Variants in CCPG1 observed in about 807,000 individuals in gnomAD.
The protein encoded by CCPG1 is cell cycle progression 1.
In CCPG1, 46 loss-of-function variants were observed where a neutral mutation model predicts 81.3. That is an observed-to-expected ratio of 0.57 (90% CI 0.45 to 0.72). The LOEUF (loss-of-function observed/expected upper bound fraction) is 0.72. CCPG1 is among the 30% of genes least tolerant of loss of function. The pLI is 0.00. For synonymous variants in CCPG1, 330 were observed against 305.2 expected (o/e 1.08, Z -0.85); for missense variants, 902 against 937.6 (o/e 0.96, Z 0.50).
At chr15:55,362,059 C>T (rs2056212424) in intron 7 of CCPG1, among the ~76,000 whole-genome samples, 1 of 152,172 alleles carries the variant, frequency 6.6e-6, no homozygotes. Flanking sequence ...ATGGTCAATT[C>T]GGCTTATAGA....
chr15:55,377,977 C>A (rs1216231203), intron 4 of CCPG1, among the ~76,000 whole-genome samples: 1 of 152,070 alleles, frequency 6.6e-6, no homozygotes, highest in East Asian at 1.9e-4. Flanking sequence ...TCAAGTAAAA[C>A]CCCAAAGCAT....
chr15:55,358,737 T>C, intron 8 of CCPG1: 1 of 985,430 alleles, frequency 1.0e-6, no homozygotes, highest in Non-Finnish European at 1.2e-6. Flanking sequence ...TGAGCTCCTT[T>C]GAAGCAAAAA....
In CCPG1 at chr15:55,360,352, C is replaced by T. The variant is rs369329768; in HGVS notation, c.1421G>A (p.Ser474Asn). The change falls in exon 8 of 9, where the codon AGC becomes AAC. Residue 474 changes from serine (S) to asparagine (N), a missense_variant. This residue lies in a region of CCPG1 where 746 missense variants were observed against 728.6 expected (regional missense o/e 1.02). Transcript: ENST00000442196. ...CTTTGACTTATTTTTAGCCCTGTGG[C>T]TTCCTCTGCCCCCTTTCTTTTTTCC... The part of the protein sequence containing the change: ...TDGKKKGGRG[S>N]HRAKNKSKET... 3.6e-5 allele frequency: 58 copies of T among 1,613,850 alleles called. No homozygotes were observed. The African/African-American group carries it at 7.6e-4, about 21-fold the overall frequency.
intron 2 of CCPG1, among the ~76,000 whole-genome samples, chr15:55,389,084 A>AAAAAAAAG (rs1566979097): frequency 1.3e-5 from 2 of 150,602 alleles, no homozygotes; most frequent in Non-Finnish European, 3.0e-5. Context: ...AAAAAAAAAA[A>AAAAAAAAG]AAAAAGACAA....
At chr15:55,380,162 T>C (rs965460870) in intron 3 of CCPG1, among the ~76,000 whole-genome samples, 1 of 150,536 alleles carries the variant, frequency 6.6e-6, no homozygotes, top group African/African-American at 2.4e-5. Context: ...ATATAACATA[T>C]AAATTTATGA....
chr15:55,389,288 T>C (rs1031418875), intron 2 of CCPG1, 77 bp downstream of exon 2: 11 of 1,030,142 alleles, frequency 1.1e-5, no homozygotes, highest in African/African-American at 9.6e-5. Flanking sequence ...AAAAGACTGA[T>C]CTTCAAAGAA....
intron 2 of CCPG1, among the ~76,000 whole-genome samples, chr15:55,386,074 G>A (rs966397228): frequency 5.9e-5 from 9 of 151,916 alleles, no homozygotes; most frequent in East Asian, 3.9e-4. Flanking sequence ...AAGGCACTTC[G>A]CTAGATGCTG....
At chr15:55,361,489 C>T (rs1406980212) in intron 7 of CCPG1, among the ~76,000 whole-genome samples, 2 of 151,502 alleles carry the variant, frequency 1.3e-5, no homozygotes, top group Admixed American at 6.6e-5. Flanking sequence ...GGGTGGATCA[C>T]GAGATCAAGA....
At chr15:55,383,259 C>T (rs1174823875) in intron 3 of CCPG1, among the ~76,000 whole-genome samples, 1 of 152,188 alleles carries the variant, frequency 6.6e-6, no homozygotes, top group Non-Finnish European at 1.5e-5. Flanking sequence ...TGAAAGGAAT[C>T]TTTTTGTTCT....
chr15:55,372,628 C>A lies in CCPG1; in HGVS notation c.455-584G>T, dbSNP rs1407940869. On this transcript the variant is annotated intron_variant, in intron 5 of 8. Coordinates refer to ENST00000442196, the MANE Select transcript of CCPG1 (RefSeq NM_001204450.2). ...GAGCTGAGATCCTGCCACTATACTC[C>A]AGACTGGGAGACAGAGCAAAACTCT... 4.1e-5 allele frequency: 9 copies of A among 219,032 alleles called. No homozygotes were observed. In the South Asian group the frequency reaches 4.4e-4, roughly 11 times the overall value. The allele number at this position is 219,032 out of a possible 1,614,324, so 13.6% of individuals were successfully genotyped here. A position where few individuals can be genotyped will look rare whatever the true frequency, so the allele number is the denominator to read the frequency against.
intron 4 of CCPG1, among the ~76,000 whole-genome samples, chr15:55,377,712 A>G (rs1010983554): frequency 6.6e-6 from 1 of 152,250 alleles, no homozygotes; most frequent in Non-Finnish European, 1.5e-5. Flanking sequence ...AACAGGCTTC[A>G]TGCAGCATCC....
chr15:55,407,045 C>CCTCCCG, intron 1 of CCPG1, among the ~76,000 whole-genome samples: 1 of 133,692 alleles, frequency 7.5e-6, no homozygotes, highest in African/African-American at 3.5e-5. Context: ...AGACCCCCCC[C>CCTCCCG]CCCGCCCCGC....
Position 55,365,275 on chromosome 15 carries a change from G to A in CCPG1, c.741C>T (p.Val247=), listed in dbSNP as rs1316937355. Residue 247 remains valine (V), a synonymous_variant, in exon 7 of 9, where the codon GTC becomes GTT. Transcript: ENST00000442196. ...TCAATTCATCTTCATGTATCTTTCT[G>A]ACTAACTGTTGACGCTTCTGAATCT... is the stretch of plus-strand genomic sequence containing the variant. ...TIQIQKRQQL[V]RKIHEDELND... 10 of 1,551,334 alleles carry A rather than the reference G, an allele frequency of 6.4e-6. No homozygotes were observed. The highest frequency in any genetic ancestry group is 8.8e-6 in the Non-Finnish European group (10 of 1,132,348).
intron 3 of CCPG1, among the ~76,000 whole-genome samples, chr15:55,382,160 G>C (rs896984524): frequency 2.0e-5 from 3 of 152,104 alleles, no homozygotes; most frequent in Non-Finnish European, 2.9e-5. Flanking sequence ...GGAGTAGCTG[G>C]GGCAATTTCT....
chr15:55,381,202 G>A (rs528989284), intron 3 of CCPG1, among the ~76,000 whole-genome samples: 4 of 151,510 alleles, frequency 2.6e-5, no homozygotes, highest in African/African-American at 7.3e-5. Context: ...TTGGGAGGCC[G>A]AGGCAGACTG....
At chr15:55,358,620 T>C (rs767100385) in intron 8 of CCPG1, 143 of 985,280 alleles carry the variant, frequency 1.5e-4, no homozygotes, top group Non-Finnish European at 1.7e-4. Flanking sequence ...CTTTAAAAAC[T>C]AAGTTCAGTT....
At chr15:55,373,098 C>T in intron 5 of CCPG1, 1 of 483,656 alleles carries the variant, frequency 2.1e-6, no homozygotes, top group South Asian at 1.6e-5. Flanking sequence ...GAAAAACAAA[C>T]TAGTGGGGAA....
intron 3 of CCPG1, among the ~76,000 whole-genome samples, chr15:55,380,417 T>C (rs1028374141): frequency 5.3e-5 from 8 of 151,390 alleles, no homozygotes; most frequent in African/African-American, 1.7e-4. Context: ...TGCCTCAGGC[T>C]CCCAAGTAGC....
At chr15:55,375,600 A>G (rs2141278357) in intron 5 of CCPG1, among the ~76,000 whole-genome samples, 1 of 152,262 alleles carries the variant, frequency 6.6e-6, no homozygotes, top group South Asian at 2.1e-4. Context: ...AGCTGGAAAA[A>G]GTGTTTTCAC....
Sources: allele counts gnomAD v4.1 joint callset (sites outside exome capture counted in the v4.1 genomes callset), GRCh38; gene constraint gnomAD v4.1.1; regional missense constraint gnomAD v4.1.1; transcripts MANE v1.5; gene names NCBI Gene and HGNC (gene_info 2026-07-23, HGNC 2026-07-21).